The following ELOVL3 variants were observed in gnomAD, a reference collection of about 807,000 sequenced individuals.
The protein encoded by ELOVL3 is very long chain fatty acid elongase 3.
A neutral mutation model predicts 14.9 loss-of-function variants in ELOVL3; 11 were observed. The ratio of observed to expected loss-of-function variants is 0.74; its 90% CI spans 0.46 to 1.22. The LOEUF (loss-of-function observed/expected upper bound fraction) is 1.22. ELOVL3 is among the 50% of genes most tolerant of loss of function. The probability of loss-of-function intolerance (pLI) is 0.00; values close to 1 mark genes in which losing one functional copy is unlikely to be tolerated. For synonymous variants in ELOVL3, 117 were observed against 124.7 expected, an observed-to-expected ratio of 0.94 and a Z score of 0.41; for missense variants, 277 against 338.9, an observed-to-expected ratio of 0.82 and a Z score of 1.43.
At position 102,226,513 on chromosome 10, in the gene ELOVL3, C is replaced by T; in HGVS notation, c.-36C>T. The T allele has an allele frequency of 6.7e-7, 1 of 1,492,132 alleles. No individual in the cohort carries two copies. The highest frequency in any genetic ancestry group is 1.7e-4 in the Middle Eastern group (1 of 5,820). The allele number at this position is 1,492,132 out of a possible 1,614,324, so 92.4% of individuals were successfully genotyped here. ...CGGAGCCCCAGCCTTTCACCCAGCG[C>T]CTCCAAGCTTTGGACCTTGACTTCT... On this transcript the variant is annotated 5_prime_UTR_variant, in exon 1 of 4. Transcript: ENST00000370005.
chr10:102,226,714 T>C, intron 1 of ELOVL3, 65 bp downstream of exon 1: 1 of 1,089,538 alleles, frequency 9.2e-7, no homozygotes, highest in Admixed American at 1.8e-5. Flanking sequence ...GGGGGTGGCA[T>C]TGAATGCCCA....
Position 102,229,167 on chromosome 10 carries a change from A to G in ELOVL3, c.728A>G (p.Tyr243Cys), listed in dbSNP as rs2070172845. The G allele has an allele frequency of 6.2e-7, 1 of 1,614,094 alleles. No homozygotes were observed. Among genetic ancestry groups the G allele is most frequent in the Admixed American group, 1.7e-5 (1 of 60,024 alleles). Residue 243 changes from tyrosine to cysteine, a missense_variant, in exon 4 of 4, where the codon TAT (tyrosine) becomes TGT (cysteine). Transcript: ENST00000370005. ...CACTTATTCTGGTCCTTCATCTTGT[A>G]TATGACCTATTTCATCCTCTTTGCC... is the stretch of plus-strand genomic sequence containing the variant. ...MEHLFWSFIL[Y>C]MTYFILFAHF...
Position 102,226,462 on chromosome 10 carries a change from T to C in ELOVL3, c.-87T>C. ...TTCCTTCTGTCCCGGCTCTGTTCCGTCTCGCCCCGAGGTTCACGCCATCCT... is the reference window on the plus strand; with the variant it reads ...TTCCTTCTGTCCCGGCTCTGTTCCGCCTCGCCCCGAGGTTCACGCCATCCT... On this transcript the variant is annotated 5_prime_UTR_variant, in exon 1 of 4. Coordinates refer to ENST00000370005, the MANE Select transcript of ELOVL3 (RefSeq NM_152310.3). 1.1e-6 allele frequency: 1 copy of C among 928,526 alleles called. No homozygotes were observed. The highest frequency in any genetic ancestry group is 1.4e-5 in the South Asian group (1 of 70,016). The allele number at this position is 928,526 out of a possible 1,614,324, so 57.5% of individuals were successfully genotyped here. A position where few individuals can be genotyped will look rare whatever the true frequency, so the allele number is the denominator to read the frequency against.
At position 102,227,723 on chromosome 10, in the gene ELOVL3, C is replaced by T; in HGVS notation, c.199C>T (p.Leu67Phe). 1.2e-6 allele frequency: 2 copies of T among 1,613,864 alleles called. No individual in the cohort carries two copies. The highest frequency in any genetic ancestry group is 1.7e-6 in the Non-Finnish European group (2 of 1,179,900). Residue 67 changes from leucine (L) to phenylalanine (F), a missense_variant, in exon 2 of 4, where the codon CTC becomes TTC. Physicochemically the swap from Leu to Phe is conservative, Grantham distance 22. Transcript: ENST00000370005. ...CAAGGGCTTCAACCTGCAAGGGCCT[C>T]TCATCCTCTGGTCCTTCTGCCTTGC... The part of the protein sequence containing the change: ...ERKGFNLQGP[L>F]ILWSFCLAIF...
At chr10:102,227,890 C>T (rs540055284) in intron 2 of ELOVL3, 133 bp downstream of exon 2, 11 of 1,023,190 alleles carry the variant, frequency 1.1e-5, no homozygotes, top group East Asian at 4.8e-5. Context: ...ATCTCATTCT[C>T]GGCTTTAGTT....
chr10:102,228,690 C>A, intron 3 of ELOVL3, 122 bp downstream of exon 3: 1 of 1,424,366 alleles, frequency 7.0e-7, no homozygotes, highest in Non-Finnish European at 9.7e-7. Context: ...TACCTCTCAC[C>A]CAAGCCCCTC....
rs1463789099 is a variant in ELOVL3, at chr10:102,229,243, G to A, written c.804G>A (p.Lys268=). The change falls in exon 4 of 4, where the codon AAG becomes AAA. Residue 268 remains lysine (K), a synonymous_variant. Transcript: ENST00000370005. ...YIRPKVKAKT[K]SQ is the part of the protein sequence containing the mutation. ...GGCCCAAGGTCAAAGCCAAGACCAAGAGCCAGTGAAGGTTTGGAGAGAACA... is the reference window on the plus strand; with the variant it reads ...GGCCCAAGGTCAAAGCCAAGACCAAAAGCCAGTGAAGGTTTGGAGAGAACA... 1.2e-6 allele frequency: 2 copies of A among 1,609,046 alleles called. No individual in the cohort carries two copies. The highest frequency in any genetic ancestry group is 1.7e-6 in the Non-Finnish European group (2 of 1,176,686).
upstream of ELOVL3, chr10:102,226,295 G>A: frequency 2.1e-6 from 1 of 467,338 alleles, no homozygotes; most frequent in Non-Finnish European, 3.9e-6. Context: ...GATAGCGGCG[G>A]GGCGCAGGAA....
rs533923882 is a variant in ELOVL3 at position 102,229,289 on chromosome 10, T to C, written c.*37T>C. ...GAACAATGAAGCTCCAGGCTCTCTC[T>C]TCTCCAGGGCACCAAGAGGCTGGGC... On this transcript the variant is annotated 3_prime_UTR_variant, in exon 4 of 4. Transcript: ENST00000370005. 230 of 1,557,758 alleles carry C rather than the reference T, an allele frequency of 1.5e-4. 3 individuals are homozygous for C. In the South Asian group the frequency reaches 2.7e-3, roughly 18 times the overall value.
intron 1 of ELOVL3, 115 bp downstream of exon 1, chr10:102,226,764 G>C (rs1030052069): frequency 1.4e-6 from 1 of 707,216 alleles, no homozygotes; most frequent in Non-Finnish European, 2.4e-6. Flanking sequence ...GGACTCCCTT[G>C]TACTGGCTTC....
Position 102,228,420 on chromosome 10 carries a change from C to T in ELOVL3, c.237C>T (p.Ile79=). 5 of 1,613,752 alleles carry T rather than the reference C, an allele frequency of 3.1e-6. No individual in the cohort carries two copies. The highest frequency in any genetic ancestry group is 4.2e-6 in the Non-Finnish European group (5 of 1,179,786). The change falls in exon 3 of 4, where the codon ATC becomes ATT. Residue 79 remains isoleucine (I), a synonymous_variant. Transcript: ENST00000370005. ...LWSFCLAIFS[I]LGAVRMWGIM... The stretch of plus-strand genomic sequence containing the variant: ...ATCTTCCTTTGTCCCATTTCAGTAT[C>T]CTGGGGGCAGTGAGGATGTGGGGCA...
chr10:102,228,751 C>T (rs906254505), intron 3 of ELOVL3, 74 bp from the exon 4 acceptor site: 14 of 1,486,022 alleles, frequency 9.4e-6, no homozygotes, highest in African/African-American at 6.9e-5. Flanking sequence ...GAATTTCTCC[C>T]GTGTCCCTAC....
intron 1 of ELOVL3, among the ~76,000 whole-genome samples, chr10:102,226,981 C>T (rs1371682929): frequency 2.6e-5 from 4 of 151,754 alleles, no homozygotes; most frequent in East Asian, 1.9e-4. Context: ...TGTGTGTGCG[C>T]GCGTGTGTGC....
At chr10:102,225,694 G>T (rs1332606247), upstream of ELOVL3, among the ~76,000 whole-genome samples, 1 of 152,132 alleles carries the variant, frequency 6.6e-6, no homozygotes, top group Non-Finnish European at 1.5e-5. Context: ...AGCCCAGAGG[G>T]TGACCCCATT....
chr10:102,226,700 G>T (rs1485630712), intron 1 of ELOVL3, 51 bp downstream of exon 1: 6 of 1,304,360 alleles, frequency 4.6e-6, no homozygotes, highest in Non-Finnish European at 6.6e-6. Context: ...GGGCCGGGGC[G>T]CGAGGGGGTG....
At chr10:102,228,646 G>A (rs2070161067) in intron 3 of ELOVL3, 78 bp downstream of exon 3, 1 of 1,554,788 alleles carries the variant, frequency 6.4e-7, no homozygotes, top group African/African-American at 1.4e-5. Context: ...CCCATCCCAT[G>A]GAGGGTCTCT....
In ELOVL3 at chr10:102,227,679, A is replaced by C. The variant is rs373730220; in HGVS notation, c.155A>C (p.Gln52Pro). ...TACCTGGTTCTCATCGCTGTGGGGC[A>C]GAACTACATGAAGGAACGCAAGGGC... ...LIYLVLIAVG[Q>P]NYMKERKGFN... The change falls in exon 2 of 4, where the codon CAG becomes CCG. Residue 52 changes from glutamine (Q) to proline (P), a missense_variant. Physicochemically the swap from Gln to Pro is moderately conservative, Grantham distance 76. Transcript: ENST00000370005. The C allele has an allele frequency of 1.2e-6, 2 of 1,613,614 alleles. No homozygotes were observed. The highest frequency in any genetic ancestry group is 2.7e-5 in the African/African-American group (2 of 74,754).
chr10:102,226,265 G>T (rs2070133995), upstream of ELOVL3: 2 of 400,290 alleles, frequency 5.0e-6, no homozygotes, highest in Non-Finnish European at 9.1e-6. Flanking sequence ...CGGAGCAGAG[G>T]CGTATCTTGG....
chr10:102,226,910 G>A (rs1441885481), intron 1 of ELOVL3, among the ~76,000 whole-genome samples: 1 of 151,716 alleles, frequency 6.6e-6, no homozygotes, highest in Admixed American at 6.6e-5. Context: ...TAGTGAGAAG[G>A]GTCTTGGAGG....
Sources: allele counts gnomAD v4.1 joint callset (sites outside exome capture counted in the v4.1 genomes callset), GRCh38; gene constraint gnomAD v4.1.1; transcripts MANE v1.5; gene names NCBI Gene and HGNC (gene_info 2026-07-23, HGNC 2026-07-21).